Variants in EML2 observed in about 807,000 individuals in gnomAD.
EML2 encodes the protein EMAP like 2, also known as echinoderm microtubule-associated protein-like 2.
A neutral mutation model predicts 84.7 loss-of-function variants in EML2; 59 were observed. The observed-to-expected ratio is 0.70, with a 90% CI of 0.56 to 0.86. The LOEUF (loss-of-function observed/expected upper bound fraction) is 0.86. Ranked by LOEUF, EML2 falls within the 40% of genes least tolerant of loss-of-function variation. The pLI is 0.00. For missense variants in EML2, 818 were observed against 855.6 expected (o/e 0.96, Z 0.55); for synonymous variants, 352 against 348.9 (o/e 1.01, Z -0.10).
At chr19:45,635,379 T>G (rs150711189) in intron 3 of EML2, among the ~76,000 whole-genome samples, 2 of 152,166 alleles carry the variant, frequency 1.3e-5, no homozygotes, top group South Asian at 4.1e-4. Flanking sequence ...CCTCAGGTGA[T>G]CCACCCACCT....
intron 18 of EML2, among the ~76,000 whole-genome samples, chr19:45,611,935 G>T (rs1419062105): frequency 6.6e-6 from 1 of 151,778 alleles, no homozygotes; most frequent in South Asian, 2.1e-4. Context: ...AAAGTGGCAC[G>T]ATCTCCGCTC....
At chr19:45,636,282 TA>T (rs200084037) in intron 3 of EML2, among the ~76,000 whole-genome samples, 1,586 of 152,348 alleles carry the variant, frequency 0.01, 21 homozygotes, top group African/African-American at 0.035. Context: ...CCTGCCTGGC[TA>T]ATTAAAAAGA....
At chr19:45,626,280 G>A (rs1196748014) in intron 8 of EML2, among the ~76,000 whole-genome samples, 1 of 151,930 alleles carries the variant, frequency 6.6e-6, no homozygotes, top group Non-Finnish European at 1.5e-5. Flanking sequence ...CCAAAATGCT[G>A]GGATTACAGG....
intron 7 of EML2, among the ~76,000 whole-genome samples, chr19:45,629,649 T>C (rs1292810121): frequency 3.4e-5 from 5 of 145,230 alleles, no homozygotes; most frequent in African/African-American, 1.3e-4. Flanking sequence ...TAAGTAGAGA[T>C]AGGTCTCCTT....
intron 3 of EML2, among the ~76,000 whole-genome samples, chr19:45,637,864 A>G (rs1361113542): frequency 6.6e-6 from 1 of 151,942 alleles, no homozygotes; most frequent in African/African-American, 2.4e-5. Context: ...TTTAGTAGAG[A>G]CAGGATTTCA....
intron 1 of EML2, 23 bp downstream of exon 1, chr19:45,639,334 G>A: frequency 1.5e-6 from 2 of 1,342,106 alleles, no homozygotes; most frequent in Non-Finnish European, 1.9e-6. Flanking sequence ...GGAGATGGGG[G>A]GTGGTCTGCG....
At chr19:45,620,622 T>G (rs936721255) in intron 11 of EML2, among the ~76,000 whole-genome samples, 3 of 148,428 alleles carry the variant, frequency 2.0e-5, no homozygotes, top group African/African-American at 7.5e-5. Context: ...GGCAGGAGAA[T>G]CACTTGAAGC....
intron 11 of EML2, chr19:45,620,946 C>T: frequency 1.7e-6 from 1 of 586,338 alleles, no homozygotes. Flanking sequence ...GGGACACTCA[C>T]CAACCTGAAG....
At chr19:45,615,429 A>C (rs1210957639) in intron 16 of EML2, among the ~76,000 whole-genome samples, 1 of 151,364 alleles carries the variant, frequency 6.6e-6, no homozygotes, top group East Asian at 1.9e-4. Flanking sequence ...GAGGCAGAAG[A>C]ATCACTTGAA....
chr19:45,645,322 C>T (rs768353226), upstream of EML2: 24 of 1,532,778 alleles, frequency 1.6e-5, no homozygotes, highest in Non-Finnish European at 2.1e-5. Context: ...CGCAGAAGGC[C>T]GGGCCGCGCT....
chr19:45,645,208 T>C, upstream of EML2: 1 of 1,485,956 alleles, frequency 6.7e-7, no homozygotes, highest in Non-Finnish European at 9.0e-7. Flanking sequence ...AGGAGGAGGC[T>C]GGGGCAAGAA....
chr19:45,640,026 C>G (rs559344892), upstream of EML2: 1 of 152,200 alleles, frequency 6.6e-6, no homozygotes, highest in South Asian at 2.1e-4. Context: ...GTACTCACAC[C>G]TCCCGGGGGT....
At chr19:45,622,283 ACTAT>A (rs1289504365) in intron 9 of EML2, among the ~76,000 whole-genome samples, 44 of 151,898 alleles carry the variant, frequency 2.9e-4, no homozygotes, top group Non-Finnish European at 7.4e-5. Context: ...CATCCACCAG[ACTAT>A]CTATCCATCC....
At chr19:45,611,319 G>A (rs567730157) in intron 18 of EML2, among the ~76,000 whole-genome samples, 166 of 151,842 alleles carry the variant, frequency 1.1e-3, no homozygotes, top group African/African-American at 3.9e-3. Flanking sequence ...GCTGAGTCAG[G>A]AGAATCGCTT....
At chr19:45,617,209 G>A (rs1355475696) in intron 13 of EML2, among the ~76,000 whole-genome samples, 4 of 151,578 alleles carry the variant, frequency 2.6e-5, no homozygotes, top group East Asian at 3.9e-4. Context: ...TCGCGCCACC[G>A]GACTCCAGTC....
intron 12 of EML2, 96 bp downstream of exon 12, chr19:45,618,963 AG>A: frequency 2.3e-6 from 3 of 1,285,006 alleles, no homozygotes; most frequent in South Asian, 4.4e-5. Context: ...AAAAAAAAAA[AG>A]ACCTTGTTTG....
rs772014629 is a variant in EML2 at position 45,613,626 on chromosome 19, G to C, written c.1739C>G (p.Ala580Gly). The C allele has an allele frequency of 6.2e-7, 1 of 1,614,072 alleles. No individual in the cohort carries two copies. Among genetic ancestry groups the C allele is most frequent in the East Asian group, 2.2e-5 (1 of 44,876 alleles). Reference sequence around the variant, plus strand: ...CAGCAACTTCCCATCATGAGAGCGGGCCACAGCGTTGATATCAGTGCCGTC... The same window carrying C: ...CAGCAACTTCCCATCATGAGAGCGGCCCACAGCGTTGATATCAGTGCCGTC... ...GADGTDINAV[A>G]RSHDGKLLAS... The change falls in exon 18 of 19, where the codon GCC becomes GGC. Residue 580 changes from alanine to glycine, a missense_variant. Ala to Gly is a moderately conservative substitution (Grantham distance 60, BLOSUM62 0). Coordinates refer to ENST00000245925, the MANE Select transcript of EML2 (RefSeq NM_012155.4).
chr19:45,622,453 CAA>C (rs1429776351), intron 9 of EML2, among the ~76,000 whole-genome samples: 1 of 152,034 alleles, frequency 6.6e-6, no homozygotes, highest in African/African-American at 2.4e-5. Context: ...GTTTTTGAGA[CAA>C]AGTCTTGCTC....
At chr19:45,629,779 A>C (rs1214594608) in intron 7 of EML2, among the ~76,000 whole-genome samples, 172 bp downstream of exon 7, 1 of 151,918 alleles carries the variant, frequency 6.6e-6, no homozygotes, top group Non-Finnish European at 1.5e-5. Flanking sequence ...CATATTACAG[A>C]TGAGACCACC....
Sources: gnomAD v4.1 joint callset for allele counts (sites outside exome capture counted in the v4.1 genomes callset) on GRCh38, gnomAD v4.1.1 for gene constraint, MANE v1.5 for transcripts, NCBI Gene and HGNC (gene_info 2026-07-23, HGNC 2026-07-21) for gene names.